Variants in RPS6KA2 observed in about 807,000 individuals in gnomAD.
The protein encoded by RPS6KA2 is ribosomal protein S6 kinase alpha-2.
Under a neutral mutation model 91.8 loss-of-function variants are expected in RPS6KA2, and 42 were observed. The observed-to-expected ratio is 0.46, with a 90% CI of 0.36 to 0.59. The LOEUF (loss-of-function observed/expected upper bound fraction) is 0.59, where lower values mean the gene tolerates loss of function less well. Among genes scored for constraint, RPS6KA2 ranks in the 20% least tolerant of loss-of-function variants. The pLI is 0.00. For synonymous variants in RPS6KA2, 414 were observed against 393.6 expected (o/e 1.05, Z -0.61); for missense variants, 798 against 978.5 (o/e 0.82, Z 2.46).
intron 19 of RPS6KA2, among the ~76,000 whole-genome samples, chr6:166,415,581 T>C (rs1362315402): frequency 6.6e-6 from 1 of 152,064 alleles, no homozygotes; most frequent in African/African-American, 2.4e-5. Flanking sequence ...ATCTTGACAA[T>C]GTGCCCTTGT....
At chr6:166,605,911 T>G (rs1785936927) in intron 1 of RPS6KA2, among the ~76,000 whole-genome samples, 1 of 152,220 alleles carries the variant, frequency 6.6e-6, no homozygotes, top group South Asian at 2.1e-4. Context: ...TAGAAAGCTC[T>G]TTACTTTGCA....
intron 2 of RPS6KA2, chr6:166,757,707 C>G (rs933691254): frequency 2.1e-5 from 9 of 419,956 alleles, no homozygotes; most frequent in South Asian, 6.9e-5. Flanking sequence ...CCACCCCGCA[C>G]ACCTCCTCTT....
Position 166,862,203 on chromosome 6 carries a change from T to G in RPS6KA2, c.-33A>C, listed in dbSNP as rs1463384840. 6 of 1,613,692 alleles carry G rather than the reference T, an allele frequency of 3.7e-6. No individual in the cohort carries two copies. The African/African-American group carries it at 8.0e-5, about 22-fold the overall frequency. On this transcript the variant is annotated 5_prime_UTR_variant, in exon 1 of 22. Coordinates refer to the RPS6KA2 transcript ENST00000503859. The stretch of plus-strand genomic sequence containing the variant: ...CTTTCCTTTTCTGCTGGTCGAGTAT[T>G]GATAGTAGGAAAGGAAATAAACAGA...
intron 10 of RPS6KA2, among the ~76,000 whole-genome samples, chr6:166,483,982 G>A (rs1419461593): frequency 3.9e-5 from 6 of 152,258 alleles, no homozygotes; most frequent in African/African-American, 7.2e-5. Context: ...AGAATTCTGG[G>A]TAAGCGCACA....
At chr6:166,540,653 A>G (rs1783624998) in intron 1 of RPS6KA2, among the ~76,000 whole-genome samples, 1 of 152,202 alleles carries the variant, frequency 6.6e-6, no homozygotes, top group Admixed American at 6.5e-5. Flanking sequence ...TTGTGAGGGG[A>G]CATCACATTT....
intron 2 of RPS6KA2, among the ~76,000 whole-genome samples, chr6:166,804,180 AT>A (rs750337058): frequency 6.6e-6 from 1 of 151,990 alleles, no homozygotes; most frequent in Non-Finnish European, 1.5e-5. Context: ...TAAAAAAAAA[AT>A]ACTTAACTAG....
intron 2 of RPS6KA2, among the ~76,000 whole-genome samples, chr6:166,746,307 C>T (rs1039557719): frequency 1.3e-5 from 2 of 152,206 alleles, no homozygotes; most frequent in African/African-American, 4.8e-5. Context: ...GCTAATTTCC[C>T]ATTTCAGTAT....
chr6:166,610,362 A>T (rs557612308), intron 1 of RPS6KA2, among the ~76,000 whole-genome samples: 14 of 152,212 alleles, frequency 9.2e-5, no homozygotes, highest in Non-Finnish European at 1.5e-4. Context: ...CGCAGCAGGA[A>T]ATTCATGTGA....
At chr6:166,786,474 G>C (rs1356117693) in intron 2 of RPS6KA2, among the ~76,000 whole-genome samples, 1 of 149,700 alleles carries the variant, frequency 6.7e-6, no homozygotes, top group Non-Finnish European at 1.5e-5. Flanking sequence ...AATAATTCAT[G>C]AATGATATCA....
At position 166,418,845 on chromosome 6, in the gene RPS6KA2, G is replaced by T. The variant is rs931959706; in HGVS notation, c.1821-503C>A. Among the ~76,000 whole-genome samples the T allele has an allele frequency of 3.3e-5, 5 of 152,246 alleles. No individual in the cohort carries two copies. The highest frequency in any genetic ancestry group is 1.2e-4 in the African/African-American group (5 of 41,472). ...GCCATATTCCAAGCGCGTGGGAGGT[G>T]TTCATGGTGTCCCACCTTAAAACAC... On this transcript the variant is annotated intron_variant, in intron 18 of 20. Coordinates refer to ENST00000265678, the MANE Select transcript of RPS6KA2 (RefSeq NM_021135.6). The surrounding 1 kb of genome is among the most constrained non-coding windows in gnomAD (Gnocchi z 4.9).
chr6:166,828,831 G>A (rs1426963920), intron 2 of RPS6KA2, among the ~76,000 whole-genome samples: 2 of 152,066 alleles, frequency 1.3e-5, no homozygotes, highest in Admixed American at 6.6e-5. Context: ...TAAATCAGAC[G>A]TCATCAAAAT....
At chr6:166,598,718 G>A (rs3823196) in intron 1 of RPS6KA2, among the ~76,000 whole-genome samples, 12,582 of 152,256 alleles carry the variant, frequency 0.083, 682 homozygotes, top group East Asian at 0.26. Flanking sequence ...TGAGATAATG[G>A]AGTCAGGAAG....
At chr6:166,570,223 C>T (rs967653587) in intron 1 of RPS6KA2, among the ~76,000 whole-genome samples, 1 of 152,168 alleles carries the variant, frequency 6.6e-6, no homozygotes, top group African/African-American at 2.4e-5. Context: ...GCCATAGCTC[C>T]AGACCCTCGG....
At chr6:166,651,850 C>A (rs1326268994) in intron 2 of RPS6KA2, among the ~76,000 whole-genome samples, 1 of 152,260 alleles carries the variant, frequency 6.6e-6, no homozygotes, top group Non-Finnish European at 1.5e-5. Flanking sequence ...GAGGAATCCA[C>A]GTGTAAGCTA....
intron 2 of RPS6KA2, among the ~76,000 whole-genome samples, chr6:166,748,377 C>T (rs540218239): frequency 1.2e-4 from 19 of 152,118 alleles, no homozygotes; most frequent in South Asian, 4.1e-4. Context: ...TGTCTTCCAC[C>T]GGCAGAAACT....
chr6:166,507,314 G>C (rs191009629), intron 5 of RPS6KA2, among the ~76,000 whole-genome samples: 273 of 152,026 alleles, frequency 1.8e-3, no homozygotes, highest in African/African-American at 6.3e-3. Flanking sequence ...ACGATTGCTA[G>C]GGCCACTTGT....
rs898985442 is a variant in RPS6KA2 at position 166,508,928 on chromosome 6, G to T, written c.380-646C>A. 2.0e-5 allele frequency among the ~76,000 whole-genome samples: 3 copies of T among 152,200 alleles called. No homozygotes were observed. Among genetic ancestry groups the T allele is most frequent in the Non-Finnish European group, 2.9e-5 (2 of 68,042 alleles). On this transcript the variant is annotated intron_variant, in intron 4 of 20. Coordinates refer to ENST00000265678, the MANE Select transcript of RPS6KA2 (RefSeq NM_021135.6). The surrounding 1 kb of genome is among the most constrained non-coding windows in gnomAD (Gnocchi z 4.3). ...AAGGGCCTGCCTCTGTTGAGCGGGC[G>T]CATGAGCACGGGAGGGTCTAGAGAA... is the stretch of plus-strand genomic sequence containing the variant.
chr6:166,634,442 G>A (rs532153439), intron 2 of RPS6KA2, among the ~76,000 whole-genome samples: 13 of 152,182 alleles, frequency 8.5e-5, no homozygotes, highest in African/African-American at 2.2e-4. Context: ...TTACCACCTC[G>A]AAATCAAAAT....
intron 2 of RPS6KA2, among the ~76,000 whole-genome samples, chr6:166,744,790 C>T (rs993273810): frequency 2.0e-5 from 3 of 152,168 alleles, no homozygotes; most frequent in African/African-American, 7.2e-5. Flanking sequence ...GGTCGCGAGC[C>T]TGCACCTGAC....
Sources: allele counts gnomAD v4.1 joint callset (sites outside exome capture counted in the v4.1 genomes callset), GRCh38; gene constraint gnomAD v4.1.1; non-coding constraint Gnocchi (gnomAD v3.1); transcripts MANE v1.5; gene names NCBI Gene and HGNC (gene_info 2026-07-23, HGNC 2026-07-21).